PRTG: variants seen among roughly 807,000 people sequenced by gnomAD.
PRTG encodes protogenin.
In PRTG, 67 loss-of-function variants were observed where a neutral mutation model predicts 122.5. The observed-to-expected ratio is 0.55, with a 90% CI of 0.45 to 0.67. The LOEUF (loss-of-function observed/expected upper bound fraction) is 0.67, where lower values mean the gene tolerates loss of function less well. PRTG is among the 30% of genes least tolerant of loss of function. The probability of loss-of-function intolerance (pLI) is 0.00; values close to 1 mark genes in which losing one functional copy is unlikely to be tolerated. For missense variants in PRTG, 1,435 were observed against 1,415.4 expected (o/e 1.01, Z -0.22); for synonymous variants, 554 against 501.1 (o/e 1.11, Z -1.41).
chr15:55,622,528 CGCCTACTACCATGACCG>C (rs1384808168), intron 18 of PRTG, among the ~76,000 whole-genome samples: 5 of 149,898 alleles, frequency 3.3e-5, no homozygotes, highest in Non-Finnish European at 7.4e-5. Context: ...GGACTACAGG[CGCCTACTACCATGACCG>C]GCTAATTTTT....
At chr15:55,651,277 T>G (rs1319240119) in intron 11 of PRTG, among the ~76,000 whole-genome samples, 2 of 151,908 alleles carry the variant, frequency 1.3e-5, no homozygotes, top group Non-Finnish European at 2.9e-5. Flanking sequence ...ATGGGAGATA[T>G]GAATACATAC....
intron 11 of PRTG, among the ~76,000 whole-genome samples, chr15:55,664,261 C>G (rs2059425780): frequency 6.6e-6 from 1 of 152,094 alleles, no homozygotes; most frequent in African/African-American, 2.4e-5. Context: ...CCTGCCCCAG[C>G]CTTCCATATA....
intron 15 of PRTG, among the ~76,000 whole-genome samples, chr15:55,632,709 C>G (rs1030436118): frequency 2.0e-5 from 3 of 152,222 alleles, no homozygotes; most frequent in Non-Finnish European, 4.4e-5. Flanking sequence ...TCCGCAGGAA[C>G]TCTTTTACTA....
At chr15:55,670,595 C>A (rs775023063) in intron 11 of PRTG, among the ~76,000 whole-genome samples, 38 of 152,236 alleles carry the variant, frequency 2.5e-4, no homozygotes, top group Admixed American at 4.6e-4. Flanking sequence ...AATTTCTCCT[C>A]TTCATTTACA....
chr15:55,742,735 C>G (rs1007620721), intron 1 of PRTG, 103 bp downstream of exon 1: 24 of 1,422,446 alleles, frequency 1.7e-5, no homozygotes, highest in Non-Finnish European at 1.9e-5. Flanking sequence ...ACGGAGGACC[C>G]CGCCGCGCGC....
chr15:55,699,685 T>TA (rs750993526), intron 2 of PRTG, among the ~76,000 whole-genome samples: 11 of 152,156 alleles, frequency 7.2e-5, no homozygotes, highest in Admixed American at 2.6e-4. Flanking sequence ...TGTTGGGACT[T>TA]AGAGACTAGA....
rs1320003022 is a variant in PRTG, at chr15:55,675,612, G to T, written c.1453C>A (p.Pro485Thr). Residue 485 changes from proline to threonine, a missense_variant, in exon 9 of 20, where the codon CCT (proline) becomes ACT (threonine). Physicochemically the swap from Pro to Thr is conservative, Grantham distance 38 (BLOSUM62 -1). Transcript: ENST00000389286. ...TTHYIIDDLE[P>T]ASNYTFYIVA... ...ATGTAGAAAGTATAATTGCTGGCAG[G>T]CTCTAAGTCATCAATAATATAATGA... 1 of 1,604,258 alleles carries T rather than the reference G, an allele frequency of 6.2e-7. No individual in the cohort carries two copies. The highest frequency in any genetic ancestry group is 8.5e-7 in the Non-Finnish European group (1 of 1,171,442).
chr15:55,700,074 G>A (rs1394439539), intron 2 of PRTG, among the ~76,000 whole-genome samples: 5 of 152,154 alleles, frequency 3.3e-5, no homozygotes, highest in African/African-American at 4.8e-5. Context: ...GATAAAGGAA[G>A]TATGATAATG....
intron 11 of PRTG, among the ~76,000 whole-genome samples, chr15:55,668,165 AATC>A (rs2059449087): frequency 6.6e-6 from 1 of 152,204 alleles, no homozygotes. Context: ...TGCTCACACT[AATC>A]ATGCTTACTG....
intron 1 of PRTG, among the ~76,000 whole-genome samples, chr15:55,741,806 A>C (rs1380048209): frequency 6.6e-6 from 1 of 152,140 alleles, no homozygotes; most frequent in Non-Finnish European, 1.5e-5. Flanking sequence ...AGCCACCCTA[A>C]CAGCCCAGCG....
intron 12 of PRTG, 174 bp from the exon 13 acceptor site, chr15:55,640,002 AG>A: frequency 1.0e-6 from 1 of 974,228 alleles, no homozygotes; most frequent in Non-Finnish European, 1.2e-6. Context: ...CTCTTCCGTG[AG>A]TTATATAAGA....
chr15:55,666,028 G>A (rs1478981680), intron 11 of PRTG, among the ~76,000 whole-genome samples: 1 of 152,224 alleles, frequency 6.6e-6, no homozygotes, highest in African/African-American at 2.4e-5. Flanking sequence ...GAATACTTGT[G>A]AAAGAGACTA....
At chr15:55,653,777 G>A (rs1317296338) in intron 11 of PRTG, among the ~76,000 whole-genome samples, 1 of 152,072 alleles carries the variant, frequency 6.6e-6, no homozygotes, top group Non-Finnish European at 1.5e-5. Context: ...TAATTTCTAT[G>A]TTTAAAACCT....
At chr15:55,633,595 C>T (rs1034885950) in intron 15 of PRTG, among the ~76,000 whole-genome samples, 1 of 152,130 alleles carries the variant, frequency 6.6e-6, no homozygotes. Context: ...AACTGACACT[C>T]TCCCTATTCT....
intron 16 of PRTG, among the ~76,000 whole-genome samples, chr15:55,628,284 G>T (rs930852849): frequency 1.3e-5 from 2 of 152,024 alleles, no homozygotes; most frequent in African/African-American, 4.8e-5. Flanking sequence ...GTGCTACAGG[G>T]GGCACCAGCT....
intron 15 of PRTG, among the ~76,000 whole-genome samples, chr15:55,630,727 T>G (rs781256295): frequency 1.3e-5 from 2 of 152,174 alleles, no homozygotes; most frequent in Non-Finnish European, 2.9e-5. Flanking sequence ...TACAAAAAAA[T>G]TCCTACCCTA....
rs1267889378 is a variant in PRTG at position 55,743,027 on chromosome 15, A to T, written c.-96T>A. On this transcript the variant is annotated 5_prime_UTR_variant, in exon 1 of 20. Transcript: ENST00000389286. The stretch of plus-strand genomic sequence containing the variant: ...CGCTCTCTGCTCTGCGGCTGGTCGC[A>T]CGCAGCCTGGCTCCCCGCTCCGGCT... The T allele has an allele frequency of 1.1e-5, 15 of 1,333,348 alleles. No homozygotes were observed. The highest frequency in any genetic ancestry group is 1.4e-5 in the Non-Finnish European group (15 of 1,045,756). The allele number at this position is 1,333,348 out of a possible 1,614,324, so 82.6% of individuals were successfully genotyped here.
intron 2 of PRTG, among the ~76,000 whole-genome samples, chr15:55,711,524 C>A (rs145948362): frequency 6.6e-6 from 1 of 152,008 alleles, no homozygotes; most frequent in Admixed American, 6.6e-5. Context: ...CCTTGAGAAG[C>A]GCTGTTTGAT....
intron 2 of PRTG, 124 bp from the exon 3 acceptor site, chr15:55,684,055 A>G: frequency 1.5e-6 from 1 of 651,886 alleles, no homozygotes; most frequent in Non-Finnish European, 2.4e-6. Flanking sequence ...ACCTAACTTA[A>G]CCAGCATGAA....
Sources: gnomAD v4.1 joint callset for allele counts (sites outside exome capture counted in the v4.1 genomes callset) on GRCh38, gnomAD v4.1.1 for gene constraint, MANE v1.5 for transcripts, NCBI Gene and HGNC (gene_info 2026-07-23, HGNC 2026-07-21) for gene names.